GPR89A: variants seen among roughly 807,000 people sequenced by gnomAD.
GPR89A encodes the protein G protein-coupled receptor 89A.
Under a neutral mutation model 52.0 loss-of-function variants are expected in GPR89A, and 16 were observed. That is an observed-to-expected ratio of 0.31 (90% confidence interval 0.21 to 0.47). The LOEUF (loss-of-function observed/expected upper bound fraction) is 0.47, where lower values mean the gene tolerates loss of function less well. Ranked by LOEUF, GPR89A falls within the 20% of genes least tolerant of loss-of-function variation. The pLI is 1.00. For missense variants in GPR89A, 135 were observed against 449.4 expected (o/e 0.30, Z 6.33); for synonymous variants, 55 against 150.9 (o/e 0.36, Z 4.66).
chr1:145,628,340 A>T (rs1249767886), intron 5 of GPR89A, among the ~76,000 whole-genome samples: 1 of 152,244 alleles, frequency 6.6e-6, no homozygotes, highest in Non-Finnish European at 1.5e-5. Flanking sequence ...ACCTAGGGAA[A>T]TGGTGTTGTG....
chr1:145,623,409 C>T (rs1553688488), intron 4 of GPR89A, among the ~76,000 whole-genome samples: 1 of 152,118 alleles, frequency 6.6e-6, no homozygotes. Flanking sequence ...ATAATGTCTC[C>T]TTTAGTTCAT....
chr1:145,611,160 T>TTGTGTG (rs373604657), intron 1 of GPR89A, among the ~76,000 whole-genome samples: 13 of 149,480 alleles, frequency 8.7e-5, no homozygotes, highest in African/African-American at 1.7e-4. Context: ...CTCCAGCTAC[T>TTGTGTG]TGTGTGTGTG....
At chr1:145,660,125 C>A (rs1284437286) in intron 10 of GPR89A, among the ~76,000 whole-genome samples, 43 of 151,978 alleles carry the variant, frequency 2.8e-4, no homozygotes, top group Non-Finnish European at 4.9e-4. Flanking sequence ...TGGCACCGAA[C>A]AGAGCCCTCA....
At chr1:145,634,583 G>A (rs1419223737) in intron 7 of GPR89A, among the ~76,000 whole-genome samples, 5 of 150,562 alleles carry the variant, frequency 3.3e-5, no homozygotes, top group African/African-American at 1.2e-4. Flanking sequence ...GTGTATAAAA[G>A]CATAGGCTCT....
At chr1:145,633,787 G>T (rs1317555771) in intron 7 of GPR89A, among the ~76,000 whole-genome samples, 1 of 144,460 alleles carries the variant, frequency 6.9e-6, no homozygotes, top group African/African-American at 2.6e-5. Flanking sequence ...TTGGAATTTT[G>T]ATAGGAATTA....
At position 145,663,415 on chromosome 1, in the gene GPR89A, C is replaced by T; in HGVS notation, c.996C>T (p.Ile332=). The T allele has an allele frequency of 6.2e-7, 1 of 1,610,394 alleles. No homozygotes were observed. The highest frequency in any genetic ancestry group is 8.5e-7 in the Non-Finnish European group (1 of 1,178,960). ...GIEITVNYLG[I]QFDVKFWSQH... ...AGATCACTGTGAATTATCTGGGAAT[C>T]CAATTTGATGTAAGTGTTATATCAA... Residue 332 remains isoleucine (I), a synonymous_variant, in exon 11 of 14, where the codon ATC becomes ATT. Coordinates refer to ENST00000313835, the MANE Select transcript of GPR89A (RefSeq NM_001097612.2).
chr1:145,652,798 C>T (rs1651542416), intron 10 of GPR89A, among the ~76,000 whole-genome samples: 1 of 146,112 alleles, frequency 6.8e-6, no homozygotes, highest in African/African-American at 2.7e-5. Context: ...ATAGTATTCT[C>T]TGATGGTTAT....
At position 145,626,174 on chromosome 1, in the gene GPR89A, T is replaced by C. The variant is rs115466630; in HGVS notation, c.415+2460T>C. On this transcript the variant is annotated intron_variant, in intron 5 of 13. Transcript: ENST00000313835. ...AAACCCACAGACAGACACATTTATC[T>C]GTGACGGTAGAAGTCAGAGAGAAGA... Among the ~76,000 whole-genome samples the C allele has an allele frequency of 2.4e-3, 355 of 150,786 alleles. 33 individuals carry two copies. Among genetic ancestry groups the C allele is most frequent in the African/African-American group, 8.5e-3 (342 of 40,102 alleles).
Position 145,667,285 on chromosome 1 carries a change from G to C in GPR89A, c.1095+1634G>C, listed in dbSNP as rs1381277961. On this transcript the variant is annotated intron_variant, in intron 12 of 13. Coordinates refer to ENST00000313835, the MANE Select transcript of GPR89A (RefSeq NM_001097612.2). ...TTTTTAATGATCACCATCCTAACTG[G>C]TGTGAGATGGTATCTCATTGTGGTT... Among the ~76,000 whole-genome samples the C allele has an allele frequency of 5.9e-5, 9 of 152,274 alleles. 2 individuals are homozygous for C. Among genetic ancestry groups the C allele is most frequent in the African/African-American group, 1.9e-4 (8 of 41,566 alleles).
chr1:145,657,901 A>G (rs1337616131), intron 10 of GPR89A, among the ~76,000 whole-genome samples: 4 of 151,030 alleles, frequency 2.6e-5, no homozygotes, highest in Admixed American at 6.6e-5. Flanking sequence ...CATTTAGTGT[A>G]TGATGCAGTA....
chr1:145,648,363 A>G (rs1651190753), intron 10 of GPR89A, among the ~76,000 whole-genome samples: 1 of 151,772 alleles, frequency 6.6e-6, no homozygotes, highest in Admixed American at 6.6e-5. Context: ...GATGTCAATA[A>G]TACTCAGATG....
intron 7 of GPR89A, among the ~76,000 whole-genome samples, chr1:145,637,857 A>G (rs1378139435): frequency 6.6e-6 from 1 of 152,026 alleles, no homozygotes; most frequent in Admixed American, 6.6e-5. Flanking sequence ...AGGAGAATTG[A>G]GATGACAGAA....
At chr1:145,626,227 C>G (rs1649487028) in intron 5 of GPR89A, among the ~76,000 whole-genome samples, 2 of 151,082 alleles carry the variant, frequency 1.3e-5, no homozygotes, top group South Asian at 4.1e-4. Context: ...GGGCTGCTGA[C>G]AGGGCAAATA....
intron 10 of GPR89A, among the ~76,000 whole-genome samples, chr1:145,659,143 T>G (rs1176725935): frequency 6.6e-6 from 1 of 152,052 alleles, no homozygotes; most frequent in African/African-American, 2.4e-5. Flanking sequence ...GGGGTAGAAT[T>G]GCCGTGTCAT....
At chr1:145,661,033 A>G (rs1355228047) in intron 10 of GPR89A, among the ~76,000 whole-genome samples, 9 of 152,038 alleles carry the variant, frequency 5.9e-5, no homozygotes, top group Non-Finnish European at 1.0e-4. Flanking sequence ...ACTATTGACA[A>G]TAGCAAAGAC....
intron 1 of GPR89A, chr1:145,612,382 C>T (rs1648357420): frequency 1.3e-5 from 2 of 152,246 alleles, no homozygotes; most frequent in Middle Eastern, 3.4e-3. Context: ...ATTCTACCTA[C>T]CTTTGATCTT....
At chr1:145,656,670 T>G (rs1342047331) in intron 10 of GPR89A, among the ~76,000 whole-genome samples, 1 of 152,182 alleles carries the variant, frequency 6.6e-6, no homozygotes, top group Non-Finnish European at 1.5e-5. Flanking sequence ...TCCTTCCTTC[T>G]TGTTATCCTT....
At chr1:145,665,866 T>G (rs1464006378) in intron 12 of GPR89A, among the ~76,000 whole-genome samples, 1 of 150,096 alleles carries the variant, frequency 6.7e-6, no homozygotes, top group African/African-American at 2.5e-5. Context: ...TGGTGGCACA[T>G]GCCTGTAGTC....
intron 3 of GPR89A, among the ~76,000 whole-genome samples, chr1:145,620,144 A>T (rs1553687885): frequency 6.6e-6 from 1 of 152,160 alleles, no homozygotes; most frequent in African/African-American, 2.4e-5. Context: ...CACAACCTGC[A>T]TCTTTCACTG....
Sources: allele counts gnomAD v4.1 joint callset (sites outside exome capture counted in the v4.1 genomes callset), GRCh38; gene constraint gnomAD v4.1.1; transcripts MANE v1.5; gene names NCBI Gene and HGNC (gene_info 2026-07-23, HGNC 2026-07-21).